PCDH7: variants seen among roughly 807,000 people sequenced by gnomAD.
The protein encoded by PCDH7 is protocadherin 7, also known as protocadherin-7.
PCDH7 carries 17 observed loss-of-function variants against 58.9 expected under a neutral mutation model. That is an observed-to-expected ratio of 0.29 (90% CI 0.20 to 0.43). The LOEUF (loss-of-function observed/expected upper bound fraction) is 0.43. Among genes scored for constraint, PCDH7 ranks in the 20% least tolerant of loss-of-function variants. The probability of loss-of-function intolerance (pLI) is 1.00; values close to 1 mark genes in which losing one functional copy is unlikely to be tolerated. For synonymous variants in PCDH7, 664 were observed against 616.4 expected, an observed-to-expected ratio of 1.08 and a Z score of -1.14; for missense variants, 1,274 against 1,441.0, an observed-to-expected ratio of 0.88 and a Z score of 1.88.
At chr4:30,768,369 C>A (rs1240622089) in intron 1 of PCDH7, among the ~76,000 whole-genome samples, 1 of 152,168 alleles carries the variant, frequency 6.6e-6, no homozygotes, top group African/African-American at 2.4e-5. Flanking sequence ...AATGTCAGAA[C>A]TTTTAAGAGC....
At chr4:30,749,034 C>T (rs758543255) in intron 1 of PCDH7, among the ~76,000 whole-genome samples, 1 of 152,152 alleles carries the variant, frequency 6.6e-6, no homozygotes, top group Non-Finnish European at 1.5e-5. Context: ...TACTTATCAA[C>T]AGGGGAAGGG....
intron 1 of PCDH7, among the ~76,000 whole-genome samples, chr4:30,911,974 C>G (rs1442245015): frequency 1.3e-5 from 2 of 152,088 alleles, no homozygotes; most frequent in Non-Finnish European, 2.9e-5. Flanking sequence ...CACCTACACT[C>G]ATAATTTCTA....
At chr4:30,822,648 ATACTGGG>A (rs1392171865) in intron 1 of PCDH7, among the ~76,000 whole-genome samples, 6 of 152,052 alleles carry the variant, frequency 3.9e-5, no homozygotes, top group Admixed American at 3.9e-4. Flanking sequence ...GACATTTCAA[ATACTGGG>A]CTTTTAAACA....
At chr4:30,835,522 G>A (rs1274678392) in intron 1 of PCDH7, among the ~76,000 whole-genome samples, 1 of 152,070 alleles carries the variant, frequency 6.6e-6, no homozygotes, top group Admixed American at 6.6e-5. Context: ...CCAGGAAACC[G>A]GGTCCCTGAT....
chr4:30,856,329 G>A (rs1440304057), intron 1 of PCDH7, among the ~76,000 whole-genome samples: 1 of 152,044 alleles, frequency 6.6e-6, no homozygotes, highest in African/African-American at 2.4e-5. Flanking sequence ...CACCACGTAT[G>A]TACTGGAGTC....
At chr4:30,905,862 C>T (rs779223028) in intron 1 of PCDH7, among the ~76,000 whole-genome samples, 4 of 152,162 alleles carry the variant, frequency 2.6e-5, no homozygotes, top group Non-Finnish European at 5.9e-5. Context: ...TAGAATTATA[C>T]ATTTTAGATA....
At chr4:31,027,849 A>T (rs563477842) in intron 3 of PCDH7, among the ~76,000 whole-genome samples, 1 of 152,292 alleles carries the variant, frequency 6.6e-6, no homozygotes, top group Non-Finnish European at 1.5e-5. Flanking sequence ...ACTGTGTGTA[A>T]CATTTCCATG....
At chr4:30,929,533 C>CA (rs1219273760) in intron 2 of PCDH7, among the ~76,000 whole-genome samples, 1 of 151,900 alleles carries the variant, frequency 6.6e-6, no homozygotes, top group South Asian at 2.1e-4. Flanking sequence ...TCCTCTGGAA[C>CA]AGAGTTTCAA....
chr4:31,104,820 G>C (rs149155202), intron 3 of PCDH7, among the ~76,000 whole-genome samples: 2 of 152,132 alleles, frequency 1.3e-5, no homozygotes, highest in Non-Finnish European at 2.9e-5. Flanking sequence ...AAGTATGAGC[G>C]TATTGATCAA....
At chr4:30,797,963 A>G (rs985096003) in intron 1 of PCDH7, among the ~76,000 whole-genome samples, 4 of 152,176 alleles carry the variant, frequency 2.6e-5, no homozygotes, top group Admixed American at 2.0e-4. Context: ...GTAACAAATC[A>G]TGTGAACTTC....
intron 1 of PCDH7, among the ~76,000 whole-genome samples, chr4:30,778,617 A>G (rs1722376219): frequency 6.6e-6 from 1 of 152,138 alleles, no homozygotes; most frequent in South Asian, 2.1e-4. Context: ...TTTGTATTTA[A>G]CACATTTTTG....
chr4:30,858,153 T>G (rs1733728784), intron 1 of PCDH7, among the ~76,000 whole-genome samples: 1 of 152,188 alleles, frequency 6.6e-6, no homozygotes, highest in African/African-American at 2.4e-5. Flanking sequence ...TGCTTCAAGT[T>G]GCCATTCCTT....
intron 1 of PCDH7, among the ~76,000 whole-genome samples, chr4:30,814,142 A>T (rs1727359304): frequency 6.6e-6 from 1 of 152,074 alleles, no homozygotes; most frequent in Non-Finnish European, 1.5e-5. Flanking sequence ...TATTTTACAT[A>T]TAGGCAATTT....
intron 1 of PCDH7, among the ~76,000 whole-genome samples, chr4:30,763,253 G>A (rs1465658328): frequency 1.3e-5 from 2 of 152,098 alleles, no homozygotes; most frequent in Non-Finnish European, 1.5e-5. Flanking sequence ...AATATATTTA[G>A]CCTAAAATGG....
chr4:30,896,878 C>G (rs1481918533), intron 1 of PCDH7, among the ~76,000 whole-genome samples: 1 of 91,686 alleles, frequency 1.1e-5, no homozygotes, highest in African/African-American at 4.1e-5. Context: ...TGTGCCCCTC[C>G]TAGTTCTTTG....
chr4:30,844,550 C>T (rs1731660968), intron 1 of PCDH7, among the ~76,000 whole-genome samples: 1 of 152,072 alleles, frequency 6.6e-6, no homozygotes, highest in Non-Finnish European at 1.5e-5. Context: ...CTTCTATAGT[C>T]ATTTCTAAGG....
At chr4:30,905,793 C>A (rs1740840302) in intron 1 of PCDH7, among the ~76,000 whole-genome samples, 1 of 152,214 alleles carries the variant, frequency 6.6e-6, no homozygotes, top group Non-Finnish European at 1.5e-5. Flanking sequence ...TGAAATCCAG[C>A]TGTAGTCCAG....
chr4:30,865,983 G>A (rs576067917), intron 1 of PCDH7, among the ~76,000 whole-genome samples: 1 of 152,038 alleles, frequency 6.6e-6, no homozygotes, highest in African/African-American at 2.4e-5. Context: ...GGATAAAATG[G>A]TGTACACAAG....
chr4:30,809,538 C>T, intron 1 of PCDH7, among the ~76,000 whole-genome samples: 1 of 152,092 alleles, frequency 6.6e-6, no homozygotes, highest in East Asian at 1.9e-4. Context: ...AAGTAAGCCC[C>T]TTCTAGAACT....
Sources: allele counts gnomAD v4.1 joint callset (sites outside exome capture counted in the v4.1 genomes callset), GRCh38; gene constraint gnomAD v4.1.1; transcripts MANE v1.5; gene names NCBI Gene and HGNC (gene_info 2026-07-23, HGNC 2026-07-21).